Variants in TMEM9 observed in about 807,000 individuals in gnomAD.
TMEM9 encodes transmembrane protein 9, also known as proton-transporting V-type ATPase complex assembly regulator TMEM9.
TMEM9 carries 13 observed loss-of-function variants against 22.8 expected under a neutral mutation model. That is an observed-to-expected ratio of 0.57 (90% CI 0.37 to 0.91). The LOEUF is 0.91. TMEM9 is among the 40% of genes least tolerant of loss of function. TMEM9 has a pLI of 0.01. For synonymous variants in TMEM9, 88 were observed against 93.0 expected, an observed-to-expected ratio of 0.95 and a Z score of 0.31; for missense variants, 182 against 238.1, an observed-to-expected ratio of 0.76 and a Z score of 1.55.
chr1:201,139,042 CTG>C (rs965652858), intron 4 of TMEM9, among the ~76,000 whole-genome samples: 1 of 152,222 alleles, frequency 6.6e-6, no homozygotes, highest in African/African-American at 2.4e-5. Context: ...ACCCAAGTAA[CTG>C]TGTGGATAAG....
intron 1 of TMEM9, among the ~76,000 whole-genome samples, chr1:201,152,418 T>G (rs1665506495): frequency 1.3e-5 from 2 of 152,180 alleles, no homozygotes; most frequent in African/African-American, 4.8e-5. Flanking sequence ...CTTTACTAAT[T>G]AGGATTTCTG....
chr1:201,137,427 T>C (rs1294268680), intron 4 of TMEM9, among the ~76,000 whole-genome samples: 5 of 151,992 alleles, frequency 3.3e-5, no homozygotes, highest in Non-Finnish European at 7.4e-5. Flanking sequence ...TTGAGACTTT[T>C]TTCTGCTATA....
intron 2 of TMEM9, among the ~76,000 whole-genome samples, chr1:201,150,865 C>T (rs1427316710): frequency 1.3e-5 from 2 of 152,150 alleles, no homozygotes; most frequent in Admixed American, 6.5e-5. Context: ...AGCACTGACC[C>T]GGACCTCTCA....
intron 4 of TMEM9, among the ~76,000 whole-genome samples, chr1:201,140,257 T>C (rs887852651): frequency 2.0e-5 from 3 of 152,246 alleles, no homozygotes; most frequent in African/African-American, 7.2e-5. Context: ...CTCCAGAGCT[T>C]GGGCCCATGC....
At chr1:201,163,860 G>A (rs28882225) in intron 1 of TMEM9, among the ~76,000 whole-genome samples, 3,095 of 152,230 alleles carry the variant, frequency 0.02, 110 homozygotes, top group African/African-American at 0.071. Flanking sequence ...CACGACTCTA[G>A]GCAATTGCAC....
At chr1:201,156,953 TA>T (rs1346331738), upstream of TMEM9, among the ~76,000 whole-genome samples, 8 of 152,322 alleles carry the variant, frequency 5.3e-5, no homozygotes, top group Non-Finnish European at 7.3e-5. Flanking sequence ...TGATGTGTTG[TA>T]GAAGTGAAGC....
chr1:201,142,871 C>G (rs569441761), intron 4 of TMEM9, among the ~76,000 whole-genome samples: 1 of 152,226 alleles, frequency 6.6e-6, no homozygotes, highest in Non-Finnish European at 1.5e-5. Context: ...GCTGTGCAGT[C>G]CTCACTCAGG....
upstream of TMEM9, among the ~76,000 whole-genome samples, chr1:201,157,853 G>C (rs909552208): frequency 6.6e-6 from 1 of 152,164 alleles, no homozygotes; most frequent in Non-Finnish European, 1.5e-5. Context: ...AGGGCTACTT[G>C]GGCTGGGCCA....
At chr1:201,138,542 CAGA>C (rs1346771530) in intron 4 of TMEM9, among the ~76,000 whole-genome samples, 3 of 152,272 alleles carry the variant, frequency 2.0e-5, no homozygotes, top group South Asian at 4.1e-4. Context: ...AACTCGGGAG[CAGA>C]AGGGCAGTTA....
chr1:201,162,789 C>T (rs930262413), intron 1 of TMEM9, among the ~76,000 whole-genome samples: 11 of 151,262 alleles, frequency 7.3e-5, no homozygotes, highest in South Asian at 4.2e-4. Context: ...TGTTAAGAGA[C>T]GAGAAAGAAA....
chr1:201,152,491 T>C (rs1347754121), intron 1 of TMEM9, among the ~76,000 whole-genome samples: 1 of 152,088 alleles, frequency 6.6e-6, no homozygotes, highest in Non-Finnish European at 1.5e-5. Context: ...GATCTTTAGT[T>C]CCATAGATCT....
intron 1 of TMEM9, among the ~76,000 whole-genome samples, chr1:201,166,005 CA>C (rs1248101533): frequency 1.3e-5 from 2 of 152,180 alleles, no homozygotes; most frequent in African/African-American, 4.8e-5. Flanking sequence ...GACTTATCAC[CA>C]GACCTTCAGC....
chr1:201,151,923 G>C, intron 1 of TMEM9, 71 bp from the exon 2 acceptor site: 1 of 1,194,060 alleles, frequency 8.4e-7, no homozygotes, highest in South Asian at 1.2e-5. Context: ...GCTCTAGCAA[G>C]GTTGTCAACT....
chr1:201,140,279 A>G lies in TMEM9; in HGVS notation c.399+3541T>C, dbSNP rs535880158. 1.2e-4 allele frequency among the ~76,000 whole-genome samples: 18 copies of G among 152,346 alleles called. 1 individual carries two copies. The South Asian group carries it at 3.5e-3, about 30-fold the overall frequency. ...GCTTGGGCCCATGCTGTGAGCAGCG[A>G]CATCCCCAGCCTCAGAGAAACCATG... On this transcript the variant is annotated intron_variant, in intron 4 of 4. Transcript: ENST00000367330.
At chr1:201,151,905 G>C in intron 1 of TMEM9, 53 bp from the exon 2 acceptor site, 2 of 1,409,760 alleles carry the variant, frequency 1.4e-6, no homozygotes, top group Admixed American at 3.4e-5. Context: ...GGGGTTCAGG[G>C]GGTTCAGGCT....
chr1:201,151,796 C>T lies in TMEM9; in HGVS notation c.123G>A (p.Gly41=). 10 of 1,613,992 alleles carry T rather than the reference C, an allele frequency of 6.2e-6. No homozygotes were observed. The highest frequency in any genetic ancestry group is 8.5e-6 in the Non-Finnish European group (10 of 1,179,992). ...CICPPYRNIS[G]HIYNQNVSQK... ...GGGATACATTCTGGTTGTAAATGTG[C>T]CCACTGATGTTTCTATAAGGTGGAC... The change falls in exon 2 of 5, where the codon GGG becomes GGA. Residue 41 remains glycine, a synonymous_variant. Transcript: ENST00000367330.
chr1:201,140,232 G>A (rs1472653630), intron 4 of TMEM9, among the ~76,000 whole-genome samples: 1 of 152,220 alleles, frequency 6.6e-6, no homozygotes, highest in Non-Finnish European at 1.5e-5. Context: ...AGCAGGGTGA[G>A]CACTTTGAAG....
intron 1 of TMEM9, among the ~76,000 whole-genome samples, chr1:201,170,024 G>GA (rs59330042): frequency 9.2e-5 from 14 of 151,368 alleles, no homozygotes; most frequent in Admixed American, 2.6e-4. Flanking sequence ...ACCGTTTAAG[G>GA]AAAAAAAAAG....
intron 1 of TMEM9, among the ~76,000 whole-genome samples, chr1:201,164,806 C>CATCAAAGAAAAAGT (rs1666033262): frequency 1.3e-5 from 2 of 151,986 alleles, no homozygotes. Flanking sequence ...GGCTTATGAA[C>CATCAAAGAAAAAGT]ATCAAAGAAA....
Sources: allele counts gnomAD v4.1 joint callset (sites outside exome capture counted in the v4.1 genomes callset), GRCh38; gene constraint gnomAD v4.1.1; transcripts MANE v1.5; gene names NCBI Gene and HGNC (gene_info 2026-07-23, HGNC 2026-07-21).